The following PRKCE variants were observed in gnomAD, a reference collection of about 807,000 sequenced individuals.
PRKCE encodes protein kinase C epsilon type.
PRKCE carries 16 observed loss-of-function variants against 85.4 expected under a neutral mutation model. That is an observed-to-expected ratio of 0.19 (90% CI 0.13 to 0.28). The LOEUF is 0.28. Ranked by LOEUF, PRKCE falls within the 10% of genes least tolerant of loss-of-function variation. The pLI is 1.00. For missense variants in PRKCE, 573 were observed against 975.2 expected (o/e 0.59, Z 5.49); for synonymous variants, 388 against 371.5 (o/e 1.04, Z -0.51).
At chr2:46,157,292 C>T (rs569130433) in intron 13 of PRKCE, among the ~76,000 whole-genome samples, 4 of 152,298 alleles carry the variant, frequency 2.6e-5, no homozygotes, top group African/African-American at 7.2e-5. Flanking sequence ...ATCCCAGGCC[C>T]CAACACCAGC....
Position 45,786,321 on chromosome 2 carries a change from C to A in PRKCE, c.349-56679C>A, listed in dbSNP as rs1261862385. On this transcript the variant is annotated intron_variant, in intron 1 of 14. Coordinates refer to ENST00000306156, the MANE Select transcript of PRKCE (RefSeq NM_005400.3). The surrounding 1 kb of genome is among the most constrained non-coding windows in gnomAD (Gnocchi z 5.3). The stretch of plus-strand genomic sequence containing the variant: ...CATCCCAAGTTTCCAGGAGGAGTTA[C>A]AATGAAGAGACAGTTCAAGTGACAG... 1.3e-5 allele frequency among the ~76,000 whole-genome samples: 2 copies of A among 152,132 alleles called. No homozygotes were observed. Among genetic ancestry groups the A allele is most frequent in the Non-Finnish European group, 2.9e-5 (2 of 68,028 alleles).
chr2:46,005,840 G>C (rs1574198660), intron 8 of PRKCE, among the ~76,000 whole-genome samples: 1 of 152,218 alleles, frequency 6.6e-6, no homozygotes, highest in African/African-American at 2.4e-5. Flanking sequence ...TAAGTAGCCT[G>C]ATGTACTCTG....
intron 11 of PRKCE, among the ~76,000 whole-genome samples, chr2:46,103,789 T>A (rs1429887790): frequency 6.6e-6 from 1 of 152,180 alleles, no homozygotes. Context: ...TATTTATAAT[T>A]CATTAAGTGG....
At chr2:45,981,590 T>C (rs1702894390) in intron 5 of PRKCE, among the ~76,000 whole-genome samples, 1 of 152,196 alleles carries the variant, frequency 6.6e-6, no homozygotes, top group Non-Finnish European at 1.5e-5. Context: ...AGGGGCTCTC[T>C]TGTGGTTAAG....
chr2:45,707,235 C>T (rs770952488), intron 1 of PRKCE, among the ~76,000 whole-genome samples: 1 of 152,148 alleles, frequency 6.6e-6, no homozygotes, highest in Non-Finnish European at 1.5e-5. Flanking sequence ...TGCTTGCAGC[C>T]CAGGCCTGTG....
At chr2:46,027,987 A>T (rs1309503445) in intron 10 of PRKCE, among the ~76,000 whole-genome samples, 9 of 150,638 alleles carry the variant, frequency 6.0e-5, no homozygotes, top group Non-Finnish European at 1.2e-4. Flanking sequence ...TGTGGCCCAG[A>T]CTGGAGTGCA....
chr2:45,746,105 C>T (rs1019554489), intron 1 of PRKCE, among the ~76,000 whole-genome samples: 8 of 152,202 alleles, frequency 5.3e-5, no homozygotes, highest in Non-Finnish European at 1.0e-4. Context: ...TGTTCCTTCC[C>T]CTCCTTTTCC....
chr2:46,007,889 A>G (rs989878420), intron 9 of PRKCE, among the ~76,000 whole-genome samples: 7 of 152,302 alleles, frequency 4.6e-5, no homozygotes, highest in Admixed American at 1.3e-4. Context: ...TTGGAATTCA[A>G]TTTTTCTCAT....
chr2:45,755,882 T>C (rs1459860213), intron 1 of PRKCE, among the ~76,000 whole-genome samples: 1 of 152,114 alleles, frequency 6.6e-6, no homozygotes, highest in Admixed American at 6.5e-5. Context: ...GAAACTTCCT[T>C]AAAGGCAGCT....
Position 45,700,944 on chromosome 2 carries a change from G to C in PRKCE, c.348+48496G>C, listed in dbSNP as rs77391487. Among the ~76,000 whole-genome samples the C allele has an allele frequency of 2.6e-5, 4 of 152,196 alleles. No homozygotes were observed. The East Asian group carries it at 7.7e-4, about 29-fold the overall frequency. ...GGCTCCCAGAAGCTGGCGGAAGCAA[G>C]GAAGGACCCTCCTTTAGATGCCTTG... On this transcript the variant is annotated intron_variant, in intron 1 of 14. Transcript: ENST00000306156.
At position 45,776,197 on chromosome 2, in the gene PRKCE, C is replaced by A. The variant is rs111560900; in HGVS notation, c.349-66803C>A. Among the ~76,000 whole-genome samples the A allele has an allele frequency of 3.8e-3, 574 of 152,308 alleles. 5 individuals are homozygous for A. The highest frequency in any genetic ancestry group is 0.013 in the African/African-American group (538 of 41,562). On this transcript the variant is annotated intron_variant, in intron 1 of 14. Transcript: ENST00000306156. Reference sequence around the variant, plus strand: ...TTTCAGTAAAATTAGACAATGAATTCTGTGCATAACATGGGTTGAATAGCA... The same window carrying A: ...TTTCAGTAAAATTAGACAATGAATTATGTGCATAACATGGGTTGAATAGCA...
chr2:45,924,608 C>A (rs911812858), intron 2 of PRKCE, among the ~76,000 whole-genome samples: 1 of 152,114 alleles, frequency 6.6e-6, no homozygotes. Context: ...ACTTCCCTAC[C>A]CCATCAGGTT....
chr2:45,858,052 A>C (rs1357050389), intron 2 of PRKCE, among the ~76,000 whole-genome samples: 1 of 152,186 alleles, frequency 6.6e-6, no homozygotes, highest in African/African-American at 2.4e-5. Context: ...GAAGGGATGA[A>C]AATCAAGAAC....
intron 14 of PRKCE, among the ~76,000 whole-genome samples, chr2:46,162,778 G>A (rs148256269): frequency 1.6e-3 from 250 of 152,212 alleles, no homozygotes; most frequent in Non-Finnish European, 2.8e-3. Flanking sequence ...CTTGGCACTA[G>A]AGATTTCTCT....
intron 6 of PRKCE, among the ~76,000 whole-genome samples, chr2:45,999,365 G>C (rs1323842262): frequency 1.3e-5 from 2 of 152,062 alleles, no homozygotes; most frequent in South Asian, 4.2e-4. Flanking sequence ...AGAATTCTAG[G>C]GTGGTGGGGT....
intron 10 of PRKCE, among the ~76,000 whole-genome samples, chr2:46,079,521 G>C (rs1668868017): frequency 6.6e-6 from 1 of 152,218 alleles, no homozygotes; most frequent in Non-Finnish European, 1.5e-5. Flanking sequence ...AGACATGGAG[G>C]GGAGAAGATG....
chr2:45,657,498 A>G (rs143189815), intron 1 of PRKCE, among the ~76,000 whole-genome samples: 203 of 152,276 alleles, frequency 1.3e-3, no homozygotes, highest in African/African-American at 4.8e-3. Flanking sequence ...TAACTGCTCA[A>G]TGCATATCTA....
chr2:46,075,917 C>T (rs754491926), intron 10 of PRKCE, among the ~76,000 whole-genome samples: 1 of 152,196 alleles, frequency 6.6e-6, no homozygotes, highest in Non-Finnish European at 1.5e-5. Context: ...TTTCTGAAGT[C>T]CAGGTGAACA....
chr2:45,983,016 TGGCAGA>T (rs1417491962), intron 5 of PRKCE, among the ~76,000 whole-genome samples: 1 of 152,216 alleles, frequency 6.6e-6, no homozygotes, highest in Non-Finnish European at 1.5e-5. Context: ...AGGGAGACCA[TGGCAGA>T]GTCAACATGT....
Sources: gnomAD v4.1 joint callset for allele counts (sites outside exome capture counted in the v4.1 genomes callset) on GRCh38, gnomAD v4.1.1 for gene constraint, Gnocchi (gnomAD v3.1) non-coding constraint, MANE v1.5 for transcripts, NCBI Gene and HGNC (gene_info 2026-07-23, HGNC 2026-07-21) for gene names.